ARK2C: variants seen among roughly 807,000 people sequenced by gnomAD.
The protein encoded by ARK2C is arkadia (RNF111) C-terminal like ring finger ubiquitin ligase 2C.
chr18:46,338,835 C>T, the ARK2C span, among the ~76,000 whole-genome samples: 1 of 152,150 alleles, frequency 6.6e-6, no homozygotes, highest in Non-Finnish European at 1.5e-5. Context: ...CTCTTTTGGC[C>T]GATGTGCCTT....
the ARK2C span, chr18:46,386,119 T>C: frequency 6.6e-6 from 1 of 152,228 alleles, no homozygotes; most frequent in Non-Finnish European, 1.5e-5. Flanking sequence ...GGCCCATCTG[T>C]CCAGGGGCCA....
the ARK2C span, among the ~76,000 whole-genome samples, chr18:46,421,968 T>C: frequency 0.018 from 2,776 of 152,220 alleles, 51 homozygotes; most frequent in East Asian, 0.088. Context: ...GCATACTCCA[T>C]TGGACTGGGA....
At chr18:46,376,664 CTTTTTTTTT>C in the ARK2C span, among the ~76,000 whole-genome samples, 3 of 72,246 alleles carry the variant, frequency 4.2e-5, no homozygotes, top group African/African-American at 5.7e-5. Context: ...GGTTAATAAT[CTTTTTTTTT>C]TTTTTTTTTT....
chr18:46,396,846 C>T, the ARK2C span, among the ~76,000 whole-genome samples: 1 of 152,210 alleles, frequency 6.6e-6, no homozygotes, highest in Non-Finnish European at 1.5e-5. Context: ...GAAACTCTTC[C>T]CAGGTTCTTG....
At chr18:46,400,714 C>T in the ARK2C span, among the ~76,000 whole-genome samples, 2 of 152,250 alleles carry the variant, frequency 1.3e-5, no homozygotes, top group South Asian at 4.2e-4. Context: ...TGTCGGGAAG[C>T]CTCTGTTGTC....
the ARK2C span, among the ~76,000 whole-genome samples, chr18:46,380,179 A>C: frequency 1.3e-5 from 2 of 152,288 alleles, no homozygotes; most frequent in Non-Finnish European, 2.9e-5. Context: ...CTCTGCTATA[A>C]AATGGAAGAC....
the ARK2C span, among the ~76,000 whole-genome samples, chr18:46,420,571 G>A: frequency 6.6e-6 from 1 of 152,074 alleles, no homozygotes; most frequent in African/African-American, 2.4e-5. Flanking sequence ...TGGGCCAGAT[G>A]CGGTGGCTCA....
At chr18:46,409,484 T>C in the ARK2C span, among the ~76,000 whole-genome samples, 1 of 152,138 alleles carries the variant, frequency 6.6e-6, no homozygotes, top group Non-Finnish European at 1.5e-5. Flanking sequence ...ACACTGAGAA[T>C]CTGGATTTGA....
At chr18:46,416,342 A>G in the ARK2C span, among the ~76,000 whole-genome samples, 2 of 152,218 alleles carry the variant, frequency 1.3e-5, no homozygotes, top group Admixed American at 1.3e-4. Flanking sequence ...AAGGAAGCCA[A>G]TGAAGAAGTC....
At chr18:46,348,899 T>C in the ARK2C span, among the ~76,000 whole-genome samples, 3 of 110,578 alleles carry the variant, frequency 2.7e-5, 1 homozygote, top group South Asian at 1.0e-3. Context: ...TCTCTCTCTT[T>C]CTGTGTGTGT....
At chr18:46,391,807 C>T in the ARK2C span, among the ~76,000 whole-genome samples, 2 of 151,598 alleles carry the variant, frequency 1.3e-5, no homozygotes, top group Non-Finnish European at 1.5e-5. Context: ...TAATACACAA[C>T]CACAACACAC....
chr18:46,387,958 G>A, the ARK2C span, among the ~76,000 whole-genome samples: 1 of 152,358 alleles, frequency 6.6e-6, no homozygotes, highest in African/African-American at 2.4e-5. Flanking sequence ...GGCAGCATCA[G>A]AATTCCTCTG....
the ARK2C span, among the ~76,000 whole-genome samples, chr18:46,417,099 T>A: frequency 6.6e-6 from 1 of 152,228 alleles, no homozygotes; most frequent in East Asian, 1.9e-4. Context: ...AGGTTTTACA[T>A]CCAATCCATG....
At chr18:46,388,052 A>G in the ARK2C span, among the ~76,000 whole-genome samples, 310 of 152,316 alleles carry the variant, frequency 2.0e-3, no homozygotes, top group African/African-American at 7.3e-3. Context: ...CCCCATCTAG[A>G]TGAACACCCT....
the ARK2C span, among the ~76,000 whole-genome samples, chr18:46,373,398 G>A: frequency 1.4e-4 from 22 of 152,360 alleles, no homozygotes; most frequent in South Asian, 4.1e-3. Context: ...GACTGGGCAA[G>A]AGTCACCCAG....
chr18:46,391,674 C>T, the ARK2C span, among the ~76,000 whole-genome samples: 12 of 151,900 alleles, frequency 7.9e-5, no homozygotes, highest in Non-Finnish European at 1.3e-4. Context: ...CACCACTTAC[C>T]TGGTGTAAAG....
chr18:46,399,694 C>A, the ARK2C span, among the ~76,000 whole-genome samples: 3 of 152,172 alleles, frequency 2.0e-5, no homozygotes, highest in African/African-American at 7.2e-5. Context: ...CAATGGGAGG[C>A]ATCTCATTTC....
At chr18:46,354,909 A>G in the ARK2C span, among the ~76,000 whole-genome samples, 1 of 152,030 alleles carries the variant, frequency 6.6e-6, no homozygotes, top group Non-Finnish European at 1.5e-5. Context: ...TGAGACCTAG[A>G]TTTCTTTTTC....
the ARK2C span, among the ~76,000 whole-genome samples, chr18:46,403,558 G>A: frequency 9.2e-5 from 14 of 152,210 alleles, no homozygotes; most frequent in African/African-American, 2.4e-4. Context: ...GAATGCTTCC[G>A]TATGCAATGT....
Sources: gnomAD v4.1 joint callset for allele counts (sites outside exome capture counted in the v4.1 genomes callset) on GRCh38, gnomAD v4.1.1 for gene constraint, MANE v1.5 for transcripts, NCBI Gene and HGNC (gene_info 2026-07-23, HGNC 2026-07-21) for gene names.